CPLX2: variants seen among roughly 807,000 people sequenced by gnomAD.
CPLX2 encodes the protein complexin 2.
In CPLX2, 5 loss-of-function variants were observed where a neutral mutation model predicts 16.3. The observed-to-expected ratio is 0.31, with a 90% CI of 0.16 to 0.64. The LOEUF is 0.64. CPLX2 is among the 30% of genes least tolerant of loss of function. The probability of loss-of-function intolerance (pLI) is 0.79; values close to 1 mark genes in which losing one functional copy is unlikely to be tolerated. For missense variants in CPLX2, 144 were observed against 181.4 expected (o/e 0.79, Z 1.18); for synonymous variants, 89 against 73.2 (o/e 1.22, Z -1.10).
intron 2 of CPLX2, among the ~76,000 whole-genome samples, chr5:175,859,237 G>A (rs577489665): frequency 3.3e-5 from 5 of 152,246 alleles, no homozygotes; most frequent in African/African-American, 4.8e-5. Context: ...CGTAGCCAGG[G>A]CAGAGAGGCC....
intron 2 of CPLX2, among the ~76,000 whole-genome samples, chr5:175,825,740 G>A (rs567761961): frequency 2.1e-4 from 32 of 152,072 alleles, no homozygotes; most frequent in Admixed American, 5.9e-4. Flanking sequence ...GAGATAGCTT[G>A]ACCATTCCCA....
At chr5:175,823,117 C>A (rs79366011) in intron 2 of CPLX2, among the ~76,000 whole-genome samples, 1 of 152,338 alleles carries the variant, frequency 6.6e-6, no homozygotes, top group African/African-American at 2.4e-5. Flanking sequence ...CTTATGCTTC[C>A]CCTATTATCA....
chr5:175,803,051 C>T lies in CPLX2; in HGVS notation c.-168-5938C>T, dbSNP rs139601774. Among the ~76,000 whole-genome samples the T allele has an allele frequency of 2.8e-3, 430 of 152,244 alleles. 3 individuals are homozygous for T. Among genetic ancestry groups the T allele is most frequent in the African/African-American group, 9.8e-3 (408 of 41,546 alleles). ...TTCACCGTGTTGGCCAGGTTGGTCT[C>T]GAACTCCTGACCTCAGGTGATCCGT... On this transcript the variant is annotated intron_variant, in intron 1 of 4. Transcript: ENST00000359546.
intron 2 of CPLX2, chr5:175,861,653 CAA>C (rs1179900913): frequency 6.6e-6 from 1 of 152,430 alleles, no homozygotes; most frequent in East Asian, 1.9e-4. Flanking sequence ...GAGCCTTGAT[CAA>C]AGTCAGGCAG....
chr5:175,799,838 T>C (rs924822168), intron 1 of CPLX2, among the ~76,000 whole-genome samples: 1 of 151,796 alleles, frequency 6.6e-6, no homozygotes, highest in African/African-American at 2.4e-5. Context: ...CCCAGCCCCT[T>C]CCATATACTT....
intron 2 of CPLX2, among the ~76,000 whole-genome samples, chr5:175,810,094 G>A (rs906895540): frequency 6.6e-6 from 1 of 152,190 alleles, no homozygotes; most frequent in African/African-American, 2.4e-5. Context: ...TGAGAGGTGG[G>A]AGGGGGGCCT....
intron 2 of CPLX2, among the ~76,000 whole-genome samples, chr5:175,826,440 A>G (rs1270034629): frequency 6.6e-6 from 1 of 152,182 alleles, no homozygotes; most frequent in Non-Finnish European, 1.5e-5. Context: ...TCATGGCCAC[A>G]GCATGAGCAT....
rs1755506936 is a variant in CPLX2, at chr5:175,879,188, G to A, written c.207+105G>A. On this transcript the variant is annotated intron_variant, in intron 3 of 3. Coordinates refer to ENST00000393745, the MANE Select transcript of CPLX2 (RefSeq NM_001008220.2). ...CCCCTGGATCCCAGCTCTCACCTTC[G>A]CCCTAGTTCTGAGCCTCACTCTTCT... The A allele has an allele frequency of 2.4e-6, 3 of 1,234,654 alleles. No individual in the cohort carries two copies. The Admixed American group carries it at 8.2e-5, about 34-fold the overall frequency. The allele number at this position is 1,234,654 out of a possible 1,614,324, so 76.5% of individuals were successfully genotyped here. A position where few individuals can be genotyped will look rare whatever the true frequency, so the allele number is the denominator to read the frequency against.
In CPLX2 at chr5:175,801,041, C is replaced by T. The variant is rs186147867; in HGVS notation, c.-169+4257C>T. Reference sequence around the variant, plus strand: ...GTGAGTGAGGGGAGAGCAGCAGCCGCCAGGGGCAGGGAGGGGGCAGAGAGG... The same window carrying T: ...GTGAGTGAGGGGAGAGCAGCAGCCGTCAGGGGCAGGGAGGGGGCAGAGAGG... On this transcript the variant is annotated intron_variant, in intron 1 of 4. Coordinates refer to the CPLX2 transcript ENST00000359546. Among the ~76,000 whole-genome samples, 346 of 151,744 alleles carry T rather than the reference C, an allele frequency of 2.3e-3. 1 individual carries two copies. The highest frequency in any genetic ancestry group is 8.1e-3 in the African/African-American group (334 of 41,426).
chr5:175,859,400 G>C (rs1419975583), intron 2 of CPLX2, among the ~76,000 whole-genome samples: 1 of 152,212 alleles, frequency 6.6e-6, no homozygotes, highest in African/African-American at 2.4e-5. Context: ...ATGAAAAAGA[G>C]ATATCGAGAA....
At chr5:175,870,490 C>T (rs192385285), upstream of CPLX2, among the ~76,000 whole-genome samples, 2 of 152,338 alleles carry the variant, frequency 1.3e-5, no homozygotes, top group African/African-American at 4.8e-5. Flanking sequence ...GAAACTCCTG[C>T]AGATCTTTCA....
chr5:175,871,154 A>C (rs1759582653), upstream of CPLX2, among the ~76,000 whole-genome samples: 1 of 151,832 alleles, frequency 6.6e-6, no homozygotes, highest in East Asian at 2.0e-4. Flanking sequence ...TGCTTTAAAG[A>C]ACCCTTCCTC....
chr5:175,829,537 CTT>C (rs1758692199), intron 2 of CPLX2, among the ~76,000 whole-genome samples: 1 of 152,184 alleles, frequency 6.6e-6, no homozygotes, highest in Non-Finnish European at 1.5e-5. Context: ...TCTGCTGGGT[CTT>C]TTGGAGAAGC....
At chr5:175,821,853 G>C (rs901355906) in intron 2 of CPLX2, among the ~76,000 whole-genome samples, 12 of 152,222 alleles carry the variant, frequency 7.9e-5, no homozygotes, top group Admixed American at 2.6e-4. Flanking sequence ...CCCTGCAAGA[G>C]AGATGAGTCA....
chr5:175,830,782 C>A lies in CPLX2; in HGVS notation c.-89+21714C>A, dbSNP rs1054035897. Among the ~76,000 whole-genome samples the A allele has an allele frequency of 1.3e-5, 2 of 152,294 alleles. No individual in the cohort carries two copies. Among genetic ancestry groups the A allele is most frequent in the East Asian group, 3.9e-4 (2 of 5,170 alleles). On this transcript the variant is annotated intron_variant, in intron 2 of 4. Transcript: ENST00000359546. The surrounding 1 kb of genome is among the most constrained non-coding windows in gnomAD (Gnocchi z 4.0). ...CCTCACCCCTGTGGGCTGGGGGCAG[C>A]GTTCACCCTGCTCACAGCTCAGCCA...
chr5:175,797,920 T>TCTCTGAGAG (rs1758023750), intron 1 of CPLX2, among the ~76,000 whole-genome samples: 1 of 152,108 alleles, frequency 6.6e-6, no homozygotes, highest in Admixed American at 6.5e-5. Context: ...AGAAACCTTT[T>TCTCTGAGAG]CTCTGAGAGC....
upstream of CPLX2, among the ~76,000 whole-genome samples, chr5:175,866,639 T>A (rs930440853): frequency 6.6e-6 from 1 of 152,108 alleles, no homozygotes; most frequent in Middle Eastern, 3.2e-3. Context: ...GCTGGGCAGA[T>A]GCTGGGCTGG....
chr5:175,854,212 C>T (rs542565322), intron 2 of CPLX2, among the ~76,000 whole-genome samples: 39 of 152,336 alleles, frequency 2.6e-4, no homozygotes, highest in African/African-American at 9.1e-4. Flanking sequence ...CAGCTCTTTT[C>T]TCCTTTTATC....
At chr5:175,824,529 G>A (rs961727389) in intron 2 of CPLX2, among the ~76,000 whole-genome samples, 1 of 152,212 alleles carries the variant, frequency 6.6e-6, no homozygotes, top group African/African-American at 2.4e-5. Context: ...CAGGATCAGT[G>A]AGACCTAAAG....
Sources: gnomAD v4.1 joint callset for allele counts (sites outside exome capture counted in the v4.1 genomes callset) on GRCh38, gnomAD v4.1.1 for gene constraint, Gnocchi (gnomAD v3.1) non-coding constraint, MANE v1.5 for transcripts, NCBI Gene and HGNC (gene_info 2026-07-23, HGNC 2026-07-21) for gene names.